The following TUSC3 variants were observed in gnomAD, a reference collection of about 807,000 sequenced individuals.
TUSC3 encodes the protein dolichyl-diphosphooligosaccharide--protein glycosyltransferase subunit TUSC3.
In TUSC3, 45 loss-of-function variants were observed where a neutral mutation model predicts 44.8. That is an observed-to-expected ratio of 1.00 (90% CI 0.79 to 1.29). The LOEUF is 1.29. Ranked by LOEUF, TUSC3 falls within the 50% of genes most tolerant of loss-of-function variation. The probability of loss-of-function intolerance (pLI) is 0.00; values close to 1 mark genes in which losing one functional copy is unlikely to be tolerated. For missense variants in TUSC3, 519 were observed against 437.9 expected (o/e 1.19, Z -1.65); for synonymous variants, 212 against 152.9 (o/e 1.39, Z -2.85).
intron 1 of TUSC3, among the ~76,000 whole-genome samples, chr8:15,458,068 T>G (rs1205758700): frequency 6.6e-6 from 1 of 151,988 alleles, no homozygotes; most frequent in African/African-American, 2.4e-5. Flanking sequence ...CTAGATGCGT[T>G]AACATTATAT....
At chr8:15,751,151 G>C (rs1476687861) in intron 9 of TUSC3, among the ~76,000 whole-genome samples, 3 of 152,138 alleles carry the variant, frequency 2.0e-5, no homozygotes, top group Non-Finnish European at 4.4e-5. Context: ...GGGTTGCTCT[G>C]TTAGGCAACT....
chr8:15,475,597 A>G (rs1414041779), intron 1 of TUSC3, among the ~76,000 whole-genome samples: 1 of 152,186 alleles, frequency 6.6e-6, no homozygotes, highest in African/African-American at 2.4e-5. Flanking sequence ...GAAAAAGTAT[A>G]AGTAAATCAA....
chr8:15,786,441 GAA>G, the TUSC3 span, among the ~76,000 whole-genome samples: 1 of 151,294 alleles, frequency 6.6e-6, no homozygotes, highest in Non-Finnish European at 1.5e-5. Context: ...ATAAAAGAGA[GAA>G]AGTACTCAAA....
In TUSC3 at chr8:15,570,074, A is replaced by G. The variant is rs569382681; in HGVS notation, c.138+29506A>G. Among the ~76,000 whole-genome samples the G allele has an allele frequency of 1.1e-4, 17 of 152,224 alleles. No homozygotes were observed. In the South Asian group the frequency reaches 2.7e-3, roughly 24 times the overall value. ...TTGCTCAAATAAAACCTTCAGGTTT[A>G]TAAAAGATTCCCACATTATTACTAC... On this transcript the variant is annotated intron_variant, in intron 1 of 10. Coordinates refer to ENST00000503731, the MANE Select transcript of TUSC3 (RefSeq NM_006765.4).
the TUSC3 span, among the ~76,000 whole-genome samples, chr8:15,851,389 C>T: frequency 8.5e-5 from 13 of 152,082 alleles, no homozygotes; most frequent in East Asian, 5.8e-4. Flanking sequence ...TAAAGTATAA[C>T]GATGCGATGA....
intron 2 of TUSC3, among the ~76,000 whole-genome samples, chr8:15,528,821 T>C (rs1022523373): frequency 3.3e-5 from 5 of 152,238 alleles, no homozygotes; most frequent in Admixed American, 3.3e-4. Flanking sequence ...TAAGATACCT[T>C]GAATTTTCTT....
At chr8:15,843,710 G>C in the TUSC3 span, among the ~76,000 whole-genome samples, 2 of 150,704 alleles carry the variant, frequency 1.3e-5, no homozygotes, top group African/African-American at 2.5e-5. Flanking sequence ...CTAAATATAA[G>C]ATGTATATGT....
chr8:15,733,192 A>G (rs536242606), intron 7 of TUSC3, among the ~76,000 whole-genome samples: 27 of 152,300 alleles, frequency 1.8e-4, no homozygotes, highest in South Asian at 6.2e-4. Flanking sequence ...ACTCCTCTCT[A>G]TTAAAAAATA....
chr8:15,540,695 G>A (rs563375092), intron 1 of TUSC3, 127 bp downstream of exon 1: 64 of 1,323,962 alleles, frequency 4.8e-5, no homozygotes, highest in East Asian at 1.1e-4. Context: ...GCGCTGGGGC[G>A]GGAGCCGCGA....
At chr8:15,696,253 T>A (rs1005220441) in intron 6 of TUSC3, among the ~76,000 whole-genome samples, 1 of 152,096 alleles carries the variant, frequency 6.6e-6, no homozygotes, top group Non-Finnish European at 1.5e-5. Context: ...CTGCTCCAGC[T>A]GAGACTAGAA....
At chr8:15,797,895 C>T in the TUSC3 span, among the ~76,000 whole-genome samples, 1 of 152,238 alleles carries the variant, frequency 6.6e-6, no homozygotes, top group East Asian at 1.9e-4. Context: ...TGTGAAAATC[C>T]AGTCCTGTTA....
At chr8:15,652,905 A>T (rs778862989) in intron 3 of TUSC3, among the ~76,000 whole-genome samples, 1 of 152,160 alleles carries the variant, frequency 6.6e-6, no homozygotes, top group Non-Finnish European at 1.5e-5. Context: ...TATCTTTGTT[A>T]TGCTGTTTTT....
At chr8:15,726,719 T>C (rs112665474) in intron 6 of TUSC3, among the ~76,000 whole-genome samples, 3 of 152,140 alleles carry the variant, frequency 2.0e-5, no homozygotes, top group Admixed American at 6.5e-5. Context: ...GGCAGGATAA[T>C]CGTTTGAACC....
At chr8:15,461,985 A>G (rs1203786390) in intron 1 of TUSC3, among the ~76,000 whole-genome samples, 1 of 152,096 alleles carries the variant, frequency 6.6e-6, no homozygotes, top group East Asian at 1.9e-4. Flanking sequence ...TGGAACAGGC[A>G]TCACATCTTA....
chr8:15,648,851 C>G (rs1456312161), intron 2 of TUSC3, among the ~76,000 whole-genome samples: 1 of 149,934 alleles, frequency 6.7e-6, no homozygotes, highest in Non-Finnish European at 1.5e-5. Flanking sequence ...TAACAGTCAC[C>G]TGTATGTGCA....
chr8:15,775,797 C>T, the TUSC3 span, among the ~76,000 whole-genome samples: 1 of 146,502 alleles, frequency 6.8e-6, no homozygotes, highest in Non-Finnish European at 1.5e-5. Flanking sequence ...TAAAAAGGCA[C>T]CATTTAATTC....
At chr8:15,525,852 C>G (rs188594285) in intron 2 of TUSC3, among the ~76,000 whole-genome samples, 2 of 151,904 alleles carry the variant, frequency 1.3e-5, no homozygotes, top group Non-Finnish European at 2.9e-5. Flanking sequence ...ATCGGTTAGG[C>G]CGTAATGGGG....
At chr8:15,471,423 A>G (rs1362202453) in intron 1 of TUSC3, among the ~76,000 whole-genome samples, 1 of 152,196 alleles carries the variant, frequency 6.6e-6, no homozygotes, top group Non-Finnish European at 1.5e-5. Flanking sequence ...TGAGGATGTT[A>G]AGTGAAGATT....
intron 1 of TUSC3, among the ~76,000 whole-genome samples, chr8:15,440,030 T>G (rs142532059): frequency 2.1e-4 from 32 of 152,326 alleles, no homozygotes; most frequent in African/African-American, 7.5e-4. Flanking sequence ...TGGCCCCTAC[T>G]CTCATGGCAT....
Sources: gnomAD v4.1 joint callset for allele counts (sites outside exome capture counted in the v4.1 genomes callset) on GRCh38, gnomAD v4.1.1 for gene constraint, MANE v1.5 for transcripts, NCBI Gene and HGNC (gene_info 2026-07-23, HGNC 2026-07-21) for gene names.